SFMBT1: variants seen among roughly 807,000 people sequenced by gnomAD.
SFMBT1 encodes scm-like with four MBT domains protein 1.
Under a neutral mutation model 108.7 loss-of-function variants are expected in SFMBT1, and 32 were observed. That is an observed-to-expected ratio of 0.29 (90% CI 0.22 to 0.40). SFMBT1 has a LOEUF of 0.40. Among genes scored for constraint, SFMBT1 ranks in the 10% least tolerant of loss-of-function variants. The pLI is 1.00. For synonymous variants in SFMBT1, 348 were observed against 369.5 expected (o/e 0.94, Z 0.67); for missense variants, 816 against 1,059.6 (o/e 0.77, Z 3.19).
chr3:52,975,475 G>A (rs1277465794), intron 1 of SFMBT1, among the ~76,000 whole-genome samples: 1 of 152,074 alleles, frequency 6.6e-6, no homozygotes, highest in Admixed American at 6.5e-5. Context: ...GATAGCTTGA[G>A]CCCAGGAGTT....
intron 1 of SFMBT1, among the ~76,000 whole-genome samples, chr3:52,989,553 C>A (rs1187625616): frequency 6.6e-6 from 1 of 151,730 alleles, no homozygotes; most frequent in Non-Finnish European, 1.5e-5. Flanking sequence ...GTAATACCAA[C>A]ACTTTGGGAG....
In SFMBT1 at chr3:52,907,749, A is replaced by C; in HGVS notation, c.1907-16T>G. On this transcript the variant is annotated splice_polypyrimidine_tract_variant and intron_variant, in intron 17 of 20. Coordinates refer to ENST00000394752, the MANE Select transcript of SFMBT1 (RefSeq NM_016329.4). ...TAATAGTGTGCTAAATGTGGATGAC[A>C]AAGAAAAATGAAGTAGCTTCATTAT... 2 of 1,575,618 alleles carry C rather than the reference A, an allele frequency of 1.3e-6. No individual in the cohort carries two copies. Among genetic ancestry groups the C allele is most frequent in the South Asian group, 2.4e-5 (2 of 84,762 alleles).
At chr3:53,041,333 C>G (rs1289015228) in intron 1 of SFMBT1, among the ~76,000 whole-genome samples, 2 of 152,122 alleles carry the variant, frequency 1.3e-5, no homozygotes, top group Non-Finnish European at 2.9e-5. Flanking sequence ...TGTCAGTGTT[C>G]TTATCCTTCC....
At position 52,947,032 on chromosome 3, in the gene SFMBT1, A is replaced by G. The variant is rs185155336; in HGVS notation, c.124-3439T>C. Among the ~76,000 whole-genome samples the G allele has an allele frequency of 2.3e-3, 345 of 152,086 alleles. 1 individual carries two copies. The highest frequency in any genetic ancestry group is 7.3e-3 in the African/African-American group (304 of 41,484). On this transcript the variant is annotated intron_variant, in intron 3 of 20. Transcript: ENST00000394752. ...AGCGATCCACCTGCCTCAGCCTCCT[A>G]AAGTGCTGGGATTACAGGCGTGAGT...
At chr3:53,015,291 A>G (rs1041717924) in intron 1 of SFMBT1, among the ~76,000 whole-genome samples, 10 of 152,074 alleles carry the variant, frequency 6.6e-5, no homozygotes, top group African/African-American at 1.9e-4. Context: ...CATAAAAAAA[A>G]AATAGAGAAT....
chr3:53,004,247 TTCTTCTTTC>T, intron 1 of SFMBT1, among the ~76,000 whole-genome samples: 5 of 107,680 alleles, frequency 4.6e-5, no homozygotes, highest in African/African-American at 1.7e-4. Flanking sequence ...CTTCCCTTCT[TTCTTCTTTC>T]TCTCTCTCTC....
intron 2 of SFMBT1, among the ~76,000 whole-genome samples, chr3:52,965,601 A>T (rs1284593766): frequency 6.6e-6 from 1 of 152,176 alleles, no homozygotes; most frequent in Non-Finnish European, 1.5e-5. Flanking sequence ...TGAGCTTTCA[A>T]CCCAGGATTC....
intron 3 of SFMBT1, among the ~76,000 whole-genome samples, chr3:52,952,624 G>T (rs1559524340): frequency 1.3e-5 from 2 of 152,142 alleles, no homozygotes; most frequent in African/African-American, 2.4e-5. Context: ...TCTGGTGAGG[G>T]TTCACTTTCT....
chr3:52,914,066 T>C (rs1292278870), intron 14 of SFMBT1, among the ~76,000 whole-genome samples: 1 of 152,242 alleles, frequency 6.6e-6, no homozygotes, highest in Admixed American at 6.5e-5. Flanking sequence ...AACTAATATG[T>C]TGGCAGCCTT....
At chr3:52,924,198 C>G (rs1702594146) in intron 10 of SFMBT1, among the ~76,000 whole-genome samples, 1 of 152,082 alleles carries the variant, frequency 6.6e-6, no homozygotes, top group Non-Finnish European at 1.5e-5. Flanking sequence ...TACCCTGTTA[C>G]AGGAAGGTAC....
At chr3:52,906,543 A>C (rs1702069677) in intron 19 of SFMBT1, among the ~76,000 whole-genome samples, 1 of 152,234 alleles carries the variant, frequency 6.6e-6, no homozygotes, top group South Asian at 2.1e-4. Context: ...CATTGAGAGA[A>C]GGCTTAACTA....
chr3:53,027,166 GCTT>G (rs1284277217), intron 1 of SFMBT1, among the ~76,000 whole-genome samples: 2 of 152,076 alleles, frequency 1.3e-5, no homozygotes, highest in African/African-American at 4.8e-5. Context: ...GAAATTTTTA[GCTT>G]ATTAAAAATT....
intron 1 of SFMBT1, among the ~76,000 whole-genome samples, chr3:53,009,709 T>C (rs1390038272): frequency 6.6e-6 from 1 of 152,232 alleles, no homozygotes; most frequent in African/African-American, 2.4e-5. Context: ...ACTTTACTAA[T>C]AGCCTACAGC....
intron 13 of SFMBT1, among the ~76,000 whole-genome samples, chr3:52,917,157 T>C (rs1447484310): frequency 2.6e-5 from 4 of 152,214 alleles, no homozygotes; most frequent in African/African-American, 9.6e-5. Context: ...TCTATGGCCT[T>C]TCTCTCCACT....
intron 14 of SFMBT1, among the ~76,000 whole-genome samples, chr3:52,914,407 C>A (rs1335210398): frequency 6.6e-6 from 1 of 152,112 alleles, no homozygotes; most frequent in East Asian, 1.9e-4. Flanking sequence ...TAGGATCCTG[C>A]AGTTCATAAT....
intron 17 of SFMBT1, among the ~76,000 whole-genome samples, chr3:52,910,631 G>A (rs1702191820): frequency 6.6e-6 from 1 of 152,090 alleles, no homozygotes; most frequent in Non-Finnish European, 1.5e-5. Flanking sequence ...TGGGATTACG[G>A]GCAGGTGCCA....
At chr3:53,032,732 A>C (rs1235779674) in intron 1 of SFMBT1, among the ~76,000 whole-genome samples, 1 of 152,236 alleles carries the variant, frequency 6.6e-6, no homozygotes, top group East Asian at 1.9e-4. Flanking sequence ...ACTAGGAATA[A>C]AACAGCATCT....
At chr3:53,027,334 T>G (rs1208616815) in intron 1 of SFMBT1, among the ~76,000 whole-genome samples, 1 of 152,138 alleles carries the variant, frequency 6.6e-6, no homozygotes, top group Non-Finnish European at 1.5e-5. Flanking sequence ...GCTTTACACT[T>G]TTTTGACAAC....
At chr3:52,966,250 A>G (rs1316183045) in intron 2 of SFMBT1, among the ~76,000 whole-genome samples, 51 of 137,138 alleles carry the variant, frequency 3.7e-4, no homozygotes, top group Middle Eastern at 4.5e-3. Flanking sequence ...CCGGGAGGCA[A>G]AGCTTGCAGT....
Sources: allele counts gnomAD v4.1 joint callset (sites outside exome capture counted in the v4.1 genomes callset), GRCh38; gene constraint gnomAD v4.1.1; transcripts MANE v1.5; gene names NCBI Gene and HGNC (gene_info 2026-07-23, HGNC 2026-07-21).